Variants in NEO1 observed in about 807,000 individuals in gnomAD.
NEO1 encodes the protein neogenin.
In NEO1, 63 loss-of-function variants were observed where a neutral mutation model predicts 159.7. That is an observed-to-expected ratio of 0.39 (90% CI 0.32 to 0.49). NEO1 has a LOEUF of 0.49. NEO1 is among the 20% of genes least tolerant of loss of function. The probability of loss-of-function intolerance (pLI) is 0.85; values close to 1 mark genes in which losing one functional copy is unlikely to be tolerated. For synonymous variants in NEO1, 633 were observed against 662.0 expected (o/e 0.96, Z 0.67); for missense variants, 1,615 against 1,831.0 (o/e 0.88, Z 2.15).
chr15:73,152,156 C>T (rs1264096342), intron 5 of NEO1, among the ~76,000 whole-genome samples: 1 of 152,178 alleles, frequency 6.6e-6, no homozygotes, highest in Non-Finnish European at 1.5e-5. Context: ...GCATATCTCC[C>T]ATAGCCTTTG....
chr15:73,286,253 A>C (rs2041943624), intron 23 of NEO1, among the ~76,000 whole-genome samples: 1 of 152,162 alleles, frequency 6.6e-6, no homozygotes, highest in Non-Finnish European at 1.5e-5. Context: ...TGTGGAGGTC[A>C]CCAGCGACCT....
chr15:73,192,112 G>T (rs998066029), intron 7 of NEO1, among the ~76,000 whole-genome samples: 17 of 151,928 alleles, frequency 1.1e-4, no homozygotes, highest in African/African-American at 4.1e-4. Context: ...TTAAATAAAA[G>T]TACTACTCTG....
intron 15 of NEO1, among the ~76,000 whole-genome samples, chr15:73,265,226 T>C (rs947769646): frequency 6.6e-6 from 1 of 152,080 alleles, no homozygotes. Context: ...CTGGAGGGGA[T>C]GAGGGAAAAG....
At chr15:73,183,088 C>T (rs1398745181) in intron 7 of NEO1, among the ~76,000 whole-genome samples, 1 of 152,134 alleles carries the variant, frequency 6.6e-6, no homozygotes, top group Non-Finnish European at 1.5e-5. Flanking sequence ...TTCTTGCAAA[C>T]ACTTTTCCTT....
At chr15:73,103,567 C>T (rs958293675) in intron 1 of NEO1, among the ~76,000 whole-genome samples, 2 of 152,134 alleles carry the variant, frequency 1.3e-5, no homozygotes, top group Non-Finnish European at 2.9e-5. Context: ...TGTCATGGCT[C>T]CTATCACACT....
intron 5 of NEO1, among the ~76,000 whole-genome samples, chr15:73,175,955 A>G (rs572153829): frequency 1.6e-4 from 25 of 152,242 alleles, no homozygotes; most frequent in Admixed American, 7.2e-4. Context: ...TAAGGACTCT[A>G]ATGTGACGTT....
At chr15:73,294,553 T>G (rs1206186717) in intron 26 of NEO1, among the ~76,000 whole-genome samples, 1 of 152,170 alleles carries the variant, frequency 6.6e-6, no homozygotes, top group Non-Finnish European at 1.5e-5. Flanking sequence ...TCTTTGTTTG[T>G]TTTTGAGACA....
intron 1 of NEO1, among the ~76,000 whole-genome samples, chr15:73,097,351 G>A (rs987682168): frequency 2.1e-5 from 3 of 140,856 alleles, no homozygotes; most frequent in Non-Finnish European, 3.0e-5. Context: ...TGGCCAGTCA[G>A]AGCCTCTTTT....
chr15:73,108,843 TG>T (rs1399315092), intron 1 of NEO1, among the ~76,000 whole-genome samples: 3 of 152,082 alleles, frequency 2.0e-5, no homozygotes, highest in Non-Finnish European at 4.4e-5. Flanking sequence ...GCAGAGGGGA[TG>T]GCACATGCGG....
intron 1 of NEO1, among the ~76,000 whole-genome samples, chr15:73,107,314 G>C (rs2070743676): frequency 6.6e-6 from 1 of 152,168 alleles, no homozygotes; most frequent in Non-Finnish European, 1.5e-5. Context: ...AGGTGATCTC[G>C]AAGATTGATG....
intron 11 of NEO1, 24 bp downstream of exon 11, chr15:73,249,745 G>T (rs776277204): frequency 1.3e-6 from 2 of 1,595,648 alleles, no homozygotes; most frequent in South Asian, 2.3e-5. Context: ...CCTCTGGAAC[G>T]ATATACCACA....
Position 73,196,785 on chromosome 15 carries a change from T to C in NEO1, c.1291+18358T>C, listed in dbSNP as rs533631842. 4.6e-5 allele frequency among the ~76,000 whole-genome samples: 7 copies of C among 152,332 alleles called. 1 individual carries two copies. In the South Asian group the frequency reaches 8.3e-4, roughly 18 times the overall value. On this transcript the variant is annotated intron_variant, in intron 7 of 28. Coordinates refer to ENST00000261908, the MANE Select transcript of NEO1 (RefSeq NM_002499.4). The stretch of plus-strand genomic sequence containing the variant: ...TATTAGGTTTCCCTAGTCTACTTCC[T>C]CTCCCTTCTCTGTATGTCAATATTT...
chr15:73,079,437 G>A (rs1200922555), intron 1 of NEO1, among the ~76,000 whole-genome samples: 2 of 152,120 alleles, frequency 1.3e-5, no homozygotes, highest in Admixed American at 6.5e-5. Context: ...TGGTTGAAAC[G>A]TAAATCTAGA....
At chr15:73,107,653 A>C (rs1309823136) in intron 1 of NEO1, among the ~76,000 whole-genome samples, 1 of 152,224 alleles carries the variant, frequency 6.6e-6, no homozygotes, top group Non-Finnish European at 1.5e-5. Flanking sequence ...TGGTAGTTGA[A>C]TATTACAGTG....
chr15:73,282,786 G>A lies in NEO1; in HGVS notation c.3263-178G>A, dbSNP rs558838753. On this transcript the variant is annotated intron_variant, in intron 22 of 28. Coordinates refer to ENST00000261908, the MANE Select transcript of NEO1 (RefSeq NM_002499.4). Reference sequence around the variant, plus strand: ...GCACTGTTCATAGGACAGACTCTTAGCTGTCTAGGAGCTCATCATCTAGAG... The same window carrying A: ...GCACTGTTCATAGGACAGACTCTTAACTGTCTAGGAGCTCATCATCTAGAG... Among the ~76,000 whole-genome samples the A allele has an allele frequency of 2.1e-3, 321 of 152,332 alleles. 1 individual carries two copies. Among genetic ancestry groups the A allele is most frequent in the Admixed American group, 6.0e-3 (91 of 15,286 alleles).
At chr15:73,245,628 G>C (rs1331451299) in intron 9 of NEO1, among the ~76,000 whole-genome samples, 1 of 150,630 alleles carries the variant, frequency 6.6e-6, no homozygotes, top group Non-Finnish European at 1.5e-5. Context: ...AGGCTGGAGT[G>C]CAGTGGCACA....
intron 2 of NEO1, among the ~76,000 whole-genome samples, chr15:73,119,100 G>C (rs1292079489): frequency 6.6e-6 from 1 of 152,118 alleles, no homozygotes; most frequent in Non-Finnish European, 1.5e-5. Context: ...ACTTGTAGGT[G>C]TCCTGGGGTA....
At chr15:73,266,469 A>G (rs921259832) in intron 16 of NEO1, 58 bp downstream of exon 16, 31 of 1,372,382 alleles carry the variant, frequency 2.3e-5, no homozygotes, top group Admixed American at 1.3e-4. Flanking sequence ...TAGGCAGAAT[A>G]TTGGCATGAG....
intron 1 of NEO1, among the ~76,000 whole-genome samples, chr15:73,109,599 G>C (rs527718127): frequency 6.6e-6 from 1 of 152,054 alleles, no homozygotes; most frequent in South Asian, 2.1e-4. Context: ...GGTTGGGAAG[G>C]TAGTGGCTGT....
Sources: gnomAD v4.1 joint callset for allele counts (sites outside exome capture counted in the v4.1 genomes callset) on GRCh38, gnomAD v4.1.1 for gene constraint, MANE v1.5 for transcripts, NCBI Gene and HGNC (gene_info 2026-07-23, HGNC 2026-07-21) for gene names.